The following TRPM6 variants were observed in gnomAD, a reference collection of about 807,000 sequenced individuals.
TRPM6 encodes the protein transient receptor potential cation channel subfamily M member 6, also known as channel kinase 2.
In TRPM6, 111 loss-of-function variants were observed where a neutral mutation model predicts 247.6. That is an observed-to-expected ratio of 0.45 (90% confidence interval 0.38 to 0.52). The LOEUF (loss-of-function observed/expected upper bound fraction) is 0.52, where lower values mean the gene tolerates loss of function less well. Among genes scored for constraint, TRPM6 ranks in the 20% least tolerant of loss-of-function variants. The pLI, the probability that TRPM6 is intolerant of heterozygous loss-of-function variation, is 0.00. For missense variants in TRPM6, 2,126 were observed against 2,421.5 expected, an observed-to-expected ratio of 0.88 and a Z score of 2.56; for synonymous variants, 892 against 853.8, an observed-to-expected ratio of 1.04 and a Z score of -0.78.
chr9:74,742,122 C>T, intron 33 of TRPM6, among the ~76,000 whole-genome samples: 1 of 152,102 alleles, frequency 6.6e-6, no homozygotes, highest in Non-Finnish European at 1.5e-5. Flanking sequence ...CATTTGCAGT[C>T]TGAGATAAGA....
At position 74,738,487 on chromosome 9, in the gene TRPM6, G is replaced by A. The variant is rs971169309; in HGVS notation, c.5696C>T (p.Thr1899Ile). 1.9e-6 allele frequency: 3 copies of A among 1,614,006 alleles called. No homozygotes were observed. The highest frequency in any genetic ancestry group is 2.5e-6 in the Non-Finnish European group (3 of 1,180,006). Residue 1899 changes from threonine (T) to isoleucine (I), a missense_variant, in exon 36 of 39, where the codon ACC becomes ATC. By Grantham distance (89) the Thr-to-Ile change is moderately conservative. This residue lies in a region of TRPM6 where 327 missense variants were observed against 397.7 expected (regional missense o/e 0.82). Transcript: ENST00000360774. ...NNGDEITPTN[T>I]LEELMLAFSH... ...GAAAGCCAACATCAGCTCCTCCAGGGTGTTGGTGGGGGTGATTTCATCACC... is the reference window on the plus strand; with the variant it reads ...GAAAGCCAACATCAGCTCCTCCAGGATGTTGGTGGGGGTGATTTCATCACC...
intron 36 of TRPM6, among the ~76,000 whole-genome samples, chr9:74,735,084 G>A (rs1013433874): frequency 1.3e-5 from 2 of 152,192 alleles, no homozygotes; most frequent in Middle Eastern, 3.4e-3. Flanking sequence ...GCCAGGTGTG[G>A]TGGCGTGTGC....
chr9:74,730,399 CT>C (rs986228039), intron 37 of TRPM6, among the ~76,000 whole-genome samples: 2 of 152,206 alleles, frequency 1.3e-5, no homozygotes, highest in Non-Finnish European at 2.9e-5. Context: ...AGAATATCTT[CT>C]CTTTTGGTAG....
rs199505525 is a variant in TRPM6 at position 74,742,524 on chromosome 9, C to T, written c.5200+37G>A. The T allele has an allele frequency of 2.9e-5, 46 of 1,583,184 alleles. No individual in the cohort carries two copies. In the African/African-American group the frequency reaches 6.0e-4, roughly 21 times the overall value. ...ATTCACTCAGATTTTATGCCTCTGT[C>T]CTGGCATAAACTCAAGAAGGTAGAA... is the stretch of plus-strand genomic sequence containing the variant. On this transcript the variant is annotated intron_variant, in intron 33 of 38. Transcript: ENST00000360774.
chr9:74,804,017 T>C (rs1211260716), intron 14 of TRPM6, 131 bp from the exon 15 acceptor site: 3 of 715,252 alleles, frequency 4.2e-6, no homozygotes, highest in South Asian at 1.5e-5. Flanking sequence ...AAACCAAATA[T>C]AATGTTGTGT....
At chr9:74,726,744 T>C (rs192884381) in intron 38 of TRPM6, among the ~76,000 whole-genome samples, 5 of 152,218 alleles carry the variant, frequency 3.3e-5, no homozygotes, top group Admixed American at 1.3e-4. Flanking sequence ...TCGGAGGATG[T>C]TGAGTGAATG....
intron 37 of TRPM6, 47 bp downstream of exon 37, chr9:74,732,638 A>G (rs766752002): frequency 2.2e-6 from 3 of 1,375,068 alleles, no homozygotes; most frequent in South Asian, 2.4e-5. Flanking sequence ...ACCATTTACT[A>G]TATGTTAAAT....
At chr9:74,867,165 A>G (rs557030307) in intron 1 of TRPM6, among the ~76,000 whole-genome samples, 1 of 152,340 alleles carries the variant, frequency 6.6e-6, no homozygotes, top group South Asian at 2.1e-4. Context: ...TGTAGTTGAA[A>G]AGGGAGAGTA....
intron 1 of TRPM6, among the ~76,000 whole-genome samples, chr9:74,876,944 A>G (rs1831208675): frequency 6.6e-6 from 1 of 152,232 alleles, no homozygotes; most frequent in South Asian, 2.1e-4. Flanking sequence ...CAAAGGATCT[A>G]AATAGTTCTC....
intron 3 of TRPM6, among the ~76,000 whole-genome samples, chr9:74,853,998 CAG>C (rs1414871125): frequency 2.1e-4 from 32 of 151,916 alleles, no homozygotes; most frequent in African/African-American, 7.0e-4. Context: ...AATAATGAAA[CAG>C]AGTGGCATTT....
chr9:74,749,713 T>C (rs1217200245), intron 30 of TRPM6, among the ~76,000 whole-genome samples: 1 of 152,222 alleles, frequency 6.6e-6, no homozygotes, highest in Non-Finnish European at 1.5e-5. Flanking sequence ...AGAAAGAAAG[T>C]ACAATTACGA....
intron 32 of TRPM6, 86 bp from the exon 33 acceptor site, chr9:74,742,712 A>ATTG: frequency 6.3e-6 from 7 of 1,110,544 alleles, no homozygotes; most frequent in Non-Finnish European, 8.1e-6. Flanking sequence ...ATATTCATAT[A>ATTG]ATGCTATTTA....
In TRPM6 at chr9:74,776,012, T is replaced by C. The variant is rs1827207056; in HGVS notation, c.3274A>G (p.Ile1092Val). 2 of 1,614,186 alleles carry C rather than the reference T, an allele frequency of 1.2e-6. No individual in the cohort carries two copies. Among genetic ancestry groups the C allele is most frequent in the Non-Finnish European group, 1.7e-6 (2 of 1,180,040 alleles). The change falls in exon 24 of 39, where the codon ATC becomes GTC. Residue 1092 changes from isoleucine to valine, a missense_variant. Physicochemically the swap from Ile to Val is conservative, Grantham distance 29. This residue lies in a region of TRPM6 where 717 missense variants were observed against 715.9 expected (regional missense o/e 1.00). Coordinates refer to ENST00000360774, the MANE Select transcript of TRPM6 (RefSeq NM_017662.5). ...NLWKYNRYRY[I>V]MTYHEKPWLP... is the part of the protein sequence containing the mutation. ...CAGGGCTTCTCGTGGTAGGTCATGA[T>C]GTAGCGATAGCGGTTGTATTTCCAC...
intron 1 of TRPM6, among the ~76,000 whole-genome samples, chr9:74,872,879 T>G (rs541091915): frequency 1.3e-5 from 2 of 152,292 alleles, no homozygotes; most frequent in African/African-American, 4.8e-5. Flanking sequence ...CTCCCAGGCC[T>G]TTCTACCTCT....
Position 74,776,013 on chromosome 9 carries a change from G to A in TRPM6, c.3273C>T (p.Tyr1091=). Residue 1091 remains tyrosine (Y), a synonymous_variant, in exon 24 of 39, where the codon TAC becomes TAT. Transcript: ENST00000360774. ...NNLWKYNRYR[Y]IMTYHEKPWL... is the part of the protein sequence containing the mutation. ...AGGGCTTCTCGTGGTAGGTCATGAT[G>A]TAGCGATAGCGGTTGTATTTCCACA... 32 of 1,614,160 alleles carry A rather than the reference G, an allele frequency of 2.0e-5. No individual in the cohort carries two copies. The highest frequency in any genetic ancestry group is 2.5e-5 in the Non-Finnish European group (29 of 1,180,020).
chr9:74,747,788 A>G, intron 31 of TRPM6, 101 bp downstream of exon 31: 1 of 1,044,958 alleles, frequency 9.6e-7, no homozygotes, highest in Non-Finnish European at 1.4e-6. Context: ...CAAAAATCAT[A>G]AATACAATTT....
intron 1 of TRPM6, among the ~76,000 whole-genome samples, chr9:74,861,488 C>T (rs1179591779): frequency 6.6e-6 from 1 of 152,040 alleles, no homozygotes; most frequent in Non-Finnish European, 1.5e-5. Flanking sequence ...AATGTAGAAG[C>T]CTGTATAGAC....
Position 74,800,341 on chromosome 9 carries a change from T to C in TRPM6, c.2151A>G (p.Arg717=). ...GGGTACAAGTATGTGAAACAAAGGG[T>C]CGTAATCCTCCCGACACGGCCAGTT... ...CLKLAVSGGL[R]PFVSHTCTQM... Residue 717 remains arginine (R), a synonymous_variant, in exon 17 of 39, where the codon CGA becomes CGG. Transcript: ENST00000360774. 4 of 1,613,748 alleles carry C rather than the reference T, an allele frequency of 2.5e-6. No individual in the cohort carries two copies. The highest frequency in any genetic ancestry group is 3.4e-6 in the Non-Finnish European group (4 of 1,179,946).
chr9:74,887,470 AGCGGAAT>A, intron 1 of TRPM6: 1 of 990,552 alleles, frequency 1.0e-6, no homozygotes, highest in South Asian at 1.6e-5. Flanking sequence ...TCCGGCCCGG[AGCGGAAT>A]CAGAGCTGCC....
Sources: allele counts gnomAD v4.1 joint callset (sites outside exome capture counted in the v4.1 genomes callset), GRCh38; gene constraint gnomAD v4.1.1; regional missense constraint gnomAD v4.1.1; transcripts MANE v1.5; gene names NCBI Gene and HGNC (gene_info 2026-07-23, HGNC 2026-07-21).